The following POLR1C variants were observed in gnomAD, a reference collection of about 807,000 sequenced individuals.
POLR1C encodes DNA-directed RNA polymerases I and III subunit RPAC1.
POLR1C carries 42 observed loss-of-function variants against 38.3 expected under a neutral mutation model. The observed-to-expected ratio is 1.10, with a 90% CI of 0.86 to 1.42. The LOEUF is 1.42. Ranked by LOEUF, POLR1C falls within the 40% of genes most tolerant of loss-of-function variation. POLR1C has a pLI of 0.00. For missense variants in POLR1C, 507 were observed against 450.5 expected, an observed-to-expected ratio of 1.13 and a Z score of -1.14; for synonymous variants, 163 against 163.9, an observed-to-expected ratio of 0.99 and a Z score of 0.04.
chr6:43,523,552 G>A (rs762347942), downstream of POLR1C: 52 of 522,756 alleles, frequency 9.9e-5, no homozygotes, highest in Middle Eastern at 1.9e-3. Flanking sequence ...GTGGCTGCAC[G>A]GGGGTGGGAG....
At chr6:43,528,952 G>C (rs1294320776) in intron 8 of POLR1C, 2 of 1,598,578 alleles carry the variant, frequency 1.3e-6, no homozygotes, top group Non-Finnish European at 1.7e-6. Context: ...AGAAATTTTA[G>C]TGCATAGGCA....
At chr6:43,525,317 C>A (rs568346345), downstream of POLR1C, 18 of 1,114,662 alleles carry the variant, frequency 1.6e-5, no homozygotes, top group East Asian at 2.8e-4. Context: ...TTTCCTCCCC[C>A]CCTCTAAAGA....
At chr6:43,524,371 A>T (rs1215377307), downstream of POLR1C, 60 of 1,385,240 alleles carry the variant, frequency 4.3e-5, 1 homozygote, top group Non-Finnish European at 5.4e-5. Flanking sequence ...AAAAAAAAAA[A>T]TCTCACCATA....
chr6:43,521,048 TGTGA>T lies in POLR1C; in HGVS notation c.922+3_922+6del, dbSNP rs1335699710. 5 of 1,611,992 alleles carry T rather than the reference TGTGA, an allele frequency of 3.1e-6. No individual in the cohort carries two copies. The highest frequency in any genetic ancestry group is 4.2e-6 in the Non-Finnish European group (5 of 1,178,008). The stretch of plus-strand genomic sequence containing the variant: ...TGCCCGGGTTCGAGATCATTATATC[TGTGA>T]GTATGAAGTGGTGAGATGAGTGGGC... On this transcript the variant is annotated splice_donor_variant and splice_donor_region_variant and intron_variant, in intron 8 of 8. Coordinates refer to ENST00000642195, the MANE Select transcript of POLR1C (RefSeq NM_203290.4). LOFTEE classifies it high-confidence loss of function.
At chr6:43,519,002 G>C (rs1198997948) in intron 2 of POLR1C, among the ~76,000 whole-genome samples, 1 of 152,094 alleles carries the variant, frequency 6.6e-6, no homozygotes, top group Non-Finnish European at 1.5e-5. Flanking sequence ...TTTAATCAAT[G>C]CCAAGCATAA....
At chr6:43,524,351 T>TAA, downstream of POLR1C, 1 of 998,326 alleles carries the variant, frequency 1.0e-6, no homozygotes. Flanking sequence ...AAACCCCATC[T>TAA]CAAAAAAAAA....
Position 43,521,317 on chromosome 6 carries a change from G to A in POLR1C, c.*17G>A, listed in dbSNP as rs1344895260. 1 of 1,611,922 alleles carries A rather than the reference G, an allele frequency of 6.2e-7. No individual in the cohort carries two copies. The highest frequency in any genetic ancestry group is 8.5e-7 in the Non-Finnish European group (1 of 1,179,942). ...ATGGACTGAGCTTGGATGCTTCTGA[G>A]GCAAGCTGAAGCTTTGGGTTCTGAC... On this transcript the variant is annotated 3_prime_UTR_variant, in exon 9 of 9. Coordinates refer to ENST00000642195, the MANE Select transcript of POLR1C (RefSeq NM_203290.4).
chr6:43,537,156 T>TTG (rs1561869659), intron 9 of POLR1C, among the ~76,000 whole-genome samples: 2 of 151,230 alleles, frequency 1.3e-5, no homozygotes, highest in African/African-American at 4.9e-5. Flanking sequence ...TTTTTTTTTT[T>TTG]GTAGAGAAAG....
At chr6:43,543,878 T>C (rs1007165661) in intron 9 of POLR1C, among the ~76,000 whole-genome samples, 2 of 152,172 alleles carry the variant, frequency 1.3e-5, no homozygotes, top group African/African-American at 4.8e-5. Context: ...GGTTTCACCA[T>C]GTTTATTGGG....
chr6:43,535,002 C>A (rs553190242), intron 9 of POLR1C, among the ~76,000 whole-genome samples: 4 of 138,208 alleles, frequency 2.9e-5, no homozygotes, highest in Non-Finnish European at 6.1e-5. Context: ...CTCAAAAAAA[C>A]CCCCCAAAGG....
chr6:43,541,713 G>A (rs1316973675), intron 9 of POLR1C, among the ~76,000 whole-genome samples: 1 of 152,160 alleles, frequency 6.6e-6, no homozygotes, highest in Non-Finnish European at 1.5e-5. Flanking sequence ...ATAATGTTTT[G>A]AAGGTTGATC....
intron 9 of POLR1C, chr6:43,549,760 CA>C: frequency 8.5e-7 from 1 of 1,183,158 alleles, no homozygotes; most frequent in East Asian, 2.6e-5. Context: ...CCTATAGTGG[CA>C]AAACAACATA....
At position 43,520,782 on chromosome 6, in the gene POLR1C, A is replaced by AT; in HGVS notation, c.805+11dup. ...AGGTGCAGGAAGTCCAAGGTATGGT[A>AT]TTTGGGATGCTGTTCAAGTTAGGAC... On this transcript the variant is annotated intron_variant, in intron 7 of 8. Transcript: ENST00000642195. The AT allele has an allele frequency of 2.5e-6, 4 of 1,613,364 alleles. 1 individual carries two copies. In the South Asian group the frequency reaches 4.4e-5, roughly 18 times the overall value.
intron 8 of POLR1C, chr6:43,526,763 A>G: frequency 6.2e-7 from 1 of 1,612,604 alleles, no homozygotes; most frequent in Non-Finnish European, 8.5e-7. Flanking sequence ...GCAAGAAAGC[A>G]GGGTTACTAG....
downstream of POLR1C, chr6:43,531,518 T>C (rs761302616): frequency 1.2e-6 from 2 of 1,614,016 alleles, no homozygotes; most frequent in Non-Finnish European, 1.7e-6. Flanking sequence ...CTGCATTCTT[T>C]CCAAGACGGT....
chr6:43,523,936 T>C, downstream of POLR1C: 1 of 1,614,040 alleles, frequency 6.2e-7, no homozygotes, highest in Non-Finnish European at 8.5e-7. Context: ...AGCATTGGCT[T>C]TGTTTTTTTG....
At chr6:43,532,743 C>T (rs986233371), downstream of POLR1C, among the ~76,000 whole-genome samples, 3 of 152,208 alleles carry the variant, frequency 2.0e-5, no homozygotes, top group African/African-American at 7.2e-5. Context: ...GATAAACACT[C>T]AGAGCCCTGC....
At chr6:43,525,025 C>A (rs777056597), downstream of POLR1C, 16 of 1,593,912 alleles carry the variant, frequency 1.0e-5, no homozygotes, top group Admixed American at 3.6e-5. Flanking sequence ...GCCTCAGCAC[C>A]CCAGTTCTTC....
chr6:43,543,253 G>C (rs1794790214), intron 9 of POLR1C, among the ~76,000 whole-genome samples: 1 of 152,100 alleles, frequency 6.6e-6, no homozygotes. Context: ...ATGAGTTCAA[G>C]ACTAGCCTCA....
Sources: allele counts gnomAD v4.1 joint callset (sites outside exome capture counted in the v4.1 genomes callset), GRCh38; gene constraint gnomAD v4.1.1; transcripts MANE v1.5; gene names NCBI Gene and HGNC (gene_info 2026-07-23, HGNC 2026-07-21).